The following STRN3 variants were observed in gnomAD, a reference collection of about 807,000 sequenced individuals.
The protein encoded by STRN3 is striatin-3.
Under a neutral mutation model 95.6 loss-of-function variants are expected in STRN3, and 29 were observed. The ratio of observed to expected loss-of-function variants is 0.30; its 90% CI spans 0.23 to 0.41. The LOEUF (loss-of-function observed/expected upper bound fraction) is 0.41. Ranked by LOEUF, STRN3 falls within the 10% of genes least tolerant of loss-of-function variation. The pLI is 1.00. For synonymous variants in STRN3, 331 were observed against 357.6 expected (o/e 0.93, Z 0.84); for missense variants, 890 against 972.1 (o/e 0.92, Z 1.12).
Position 30,918,981 on chromosome 14 carries a change from C to T in STRN3, c.1225G>A (p.Ala409Thr), listed in dbSNP as rs764532954. ...AATTTTGTACCTTCCTCTGCTCTTG[C>T]ACCTTCATGATCAGTCATTCTAGTA... ...ASTRMTDHEG[A>T]RAEEAEPITF... Residue 409 changes from alanine (A) to threonine (T), a missense_variant, in exon 9 of 18, where the codon GCA becomes ACA. Physicochemically the swap from Ala to Thr is moderately conservative, Grantham distance 58. Around this residue, in one of 3 missense-constraint regions of STRN3, gnomAD observed 526 missense variants for 526.3 expected, o/e 1.00. Transcript: ENST00000357479. 24 of 1,588,510 alleles carry T rather than the reference C, an allele frequency of 1.5e-5. No homozygotes were observed. In the Admixed American group the frequency reaches 1.6e-4, roughly 10 times the overall value.
chr14:31,025,551 G>C (rs1349518615), intron 1 of STRN3: 1 of 326,146 alleles, frequency 3.1e-6, no homozygotes, highest in Non-Finnish European at 5.8e-6. Flanking sequence ...ACTCAGTGTT[G>C]AGAGGCCCCA....
intron 1 of STRN3, among the ~76,000 whole-genome samples, chr14:30,958,313 A>C (rs1332074496): frequency 6.6e-6 from 1 of 152,088 alleles, no homozygotes; most frequent in Non-Finnish European, 1.5e-5. Flanking sequence ...CTACCTCTAA[A>C]AAATAAAAAT....
At chr14:30,948,108 G>A (rs1160424878) in intron 4 of STRN3, among the ~76,000 whole-genome samples, 1 of 152,182 alleles carries the variant, frequency 6.6e-6, no homozygotes, top group Non-Finnish European at 1.5e-5. Context: ...ATGCACAAAT[G>A]TATGTGGAAG....
At chr14:30,925,245 G>T (rs564217143) in intron 8 of STRN3, among the ~76,000 whole-genome samples, 5 of 147,454 alleles carry the variant, frequency 3.4e-5, no homozygotes, top group South Asian at 2.2e-4. Context: ...GGGCAGGGGG[G>T]TAAAAAAAAG....
chr14:30,917,300 C>T (rs1896764425), intron 9 of STRN3, among the ~76,000 whole-genome samples: 1 of 152,190 alleles, frequency 6.6e-6, no homozygotes, highest in Non-Finnish European at 1.5e-5. Flanking sequence ...AAAACACACA[C>T]ATAACACATA....
chr14:30,925,459 G>T (rs1017601434), intron 8 of STRN3, among the ~76,000 whole-genome samples: 2 of 152,080 alleles, frequency 1.3e-5, no homozygotes, highest in African/African-American at 2.4e-5. Flanking sequence ...TTAGCAAATA[G>T]TTTTCTTCCC....
chr14:30,986,986 CA>C (rs560651738), intron 1 of STRN3, among the ~76,000 whole-genome samples: 2 of 151,616 alleles, frequency 1.3e-5, no homozygotes, highest in South Asian at 2.1e-4. Context: ...GAAGGATAAT[CA>C]AAAAAAATAC....
At chr14:30,935,073 T>TA (rs1878750821) in intron 7 of STRN3, 90 bp downstream of exon 7, 1 of 1,520,514 alleles carries the variant, frequency 6.6e-7, no homozygotes, top group Non-Finnish European at 8.9e-7. Context: ...CCACCATATA[T>TA]TTATACACAC....
intron 1 of STRN3, among the ~76,000 whole-genome samples, chr14:31,009,497 T>G (rs1882869701): frequency 6.6e-6 from 1 of 151,434 alleles, no homozygotes; most frequent in Non-Finnish European, 1.5e-5. Flanking sequence ...GCGCCCCAGT[T>G]GAAAACCACT....
In STRN3 at chr14:30,902,654, A is replaced by C. The variant is rs771897748; in HGVS notation, c.2030-11T>G. The C allele has an allele frequency of 4.6e-6, 7 of 1,517,400 alleles. No individual in the cohort carries two copies. The highest frequency in any genetic ancestry group is 3.7e-5 in the South Asian group (3 of 82,096). 94.0% of individuals were successfully genotyped at this position (1,517,400 alleles called of 1,614,324 possible). A position where few individuals can be genotyped will look rare whatever the true frequency, so the allele number is the denominator to read the frequency against. On this transcript the variant is annotated splice_polypyrimidine_tract_variant and intron_variant, in intron 15 of 17. Transcript: ENST00000357479. ...TATTAGATTGTAAACCTGAAAAATA[A>C]AGGAAGACAATAAGTTAAAATTCAA...
chr14:30,973,157 T>A lies in STRN3; in HGVS notation c.283-16915A>T, dbSNP rs150620341. Among the ~76,000 whole-genome samples, 21 of 152,118 alleles carry A rather than the reference T, an allele frequency of 1.4e-4. 2 individuals are homozygous for A. The highest frequency in any genetic ancestry group is 4.8e-4 in the African/African-American group (20 of 41,488). The stretch of plus-strand genomic sequence containing the variant: ...CCTGGAGGCGGAGGTTACAGTGAGC[T>A]GAGATTGCACCACTGCACTCCAGCC... On this transcript the variant is annotated intron_variant, in intron 1 of 17. Transcript: ENST00000357479.
chr14:30,911,273 G>C, intron 12 of STRN3, 111 bp from the exon 13 acceptor site: 4 of 952,240 alleles, frequency 4.2e-6, no homozygotes, highest in Non-Finnish European at 5.9e-6. Flanking sequence ...TGTTTTAAGA[G>C]AACATGTACA....
chr14:30,953,736 C>A (rs868348556), intron 3 of STRN3, among the ~76,000 whole-genome samples: 5 of 152,128 alleles, frequency 3.3e-5, no homozygotes, highest in Non-Finnish European at 7.3e-5. Flanking sequence ...CTCACGCAAT[C>A]CTCCTACTTC....
chr14:30,927,223 G>T (rs1446400051), intron 8 of STRN3, among the ~76,000 whole-genome samples: 1 of 152,074 alleles, frequency 6.6e-6, no homozygotes, highest in Non-Finnish European at 1.5e-5. Context: ...TGAGGTGGGA[G>T]GATATCTTGA....
Position 30,948,887 on chromosome 14 carries a change from G to A in STRN3, c.543-1624C>T, listed in dbSNP as rs146730421. 3.6e-3 allele frequency among the ~76,000 whole-genome samples: 550 copies of A among 152,258 alleles called. 5 individuals carry two copies. The highest frequency in any genetic ancestry group is 0.012 in the African/African-American group (517 of 41,554). ...CTAAAAAATGCAGTCCTCTCTTGGG[G>A]AGAACAGCTCCCATCATACTCTAAC... On this transcript the variant is annotated intron_variant, in intron 4 of 17. Transcript: ENST00000357479.
At chr14:30,905,380 C>T in intron 15 of STRN3, 38 bp downstream of exon 15, 1 of 1,550,330 alleles carries the variant, frequency 6.5e-7, no homozygotes, top group Non-Finnish European at 8.6e-7. Context: ...GTGTAATAAC[C>T]CTTTTTAAGG....
intron 3 of STRN3, among the ~76,000 whole-genome samples, chr14:30,954,255 GAAGA>G (rs1488367629): frequency 6.6e-6 from 1 of 152,008 alleles, no homozygotes; most frequent in Non-Finnish European, 1.5e-5. Context: ...TCCAAATGTA[GAAGA>G]AAGGGAACTC....
intron 4 of STRN3, among the ~76,000 whole-genome samples, chr14:30,948,633 T>C (rs1333715345): frequency 1.3e-5 from 2 of 152,204 alleles, no homozygotes; most frequent in Admixed American, 1.3e-4. Context: ...ACGTTTGTGA[T>C]AGTTGCTTCA....
At chr14:30,921,434 T>A (rs1896882933) in intron 8 of STRN3, among the ~76,000 whole-genome samples, 1 of 152,146 alleles carries the variant, frequency 6.6e-6, no homozygotes, top group African/African-American at 2.4e-5. Context: ...AATTATATAA[T>A]ATTATTTACA....
Sources: allele counts gnomAD v4.1 joint callset (sites outside exome capture counted in the v4.1 genomes callset), GRCh38; gene constraint gnomAD v4.1.1; regional missense constraint gnomAD v4.1.1; transcripts MANE v1.5; gene names NCBI Gene and HGNC (gene_info 2026-07-23, HGNC 2026-07-21).